Variants in CWC27 observed in about 807,000 individuals in gnomAD.
CWC27 encodes spliceosome-associated protein CWC27 homolog.
A neutral mutation model predicts 63.6 loss-of-function variants in CWC27; 47 were observed. The ratio of observed to expected loss-of-function variants is 0.74; its 90% confidence interval spans 0.58 to 0.94. The LOEUF (loss-of-function observed/expected upper bound fraction) is 0.94, where lower values mean the gene tolerates loss of function less well. Ranked by LOEUF, CWC27 falls within the 40% of genes least tolerant of loss-of-function variation. CWC27 has a pLI of 0.00. For synonymous variants in CWC27, 175 were observed against 179.8 expected (o/e 0.97, Z 0.22); for missense variants, 495 against 554.3 (o/e 0.89, Z 1.07).
Position 64,856,044 on chromosome 5 carries a change from G to A in CWC27, c.939-29399G>A, listed in dbSNP as rs552146887. Reference sequence around the variant, plus strand: ...ACCATCCATCCTCATTAGTCCAAAAGCTTACAGATCATTCTTTTTGGATGC... The same window carrying A: ...ACCATCCATCCTCATTAGTCCAAAAACTTACAGATCATTCTTTTTGGATGC... On this transcript the variant is annotated intron_variant, in intron 10 of 13. Transcript: ENST00000381070. Among the ~76,000 whole-genome samples the A allele has an allele frequency of 2.6e-5, 4 of 152,128 alleles. No homozygotes were observed. In the East Asian group the frequency reaches 7.7e-4, roughly 29 times the overall value.
intron 11 of CWC27, among the ~76,000 whole-genome samples, chr5:64,925,600 A>C (rs1015265317): frequency 6.6e-6 from 1 of 152,244 alleles, no homozygotes; most frequent in Non-Finnish European, 1.5e-5. Context: ...CCATTTATCA[A>C]GCCAAAGATA....
intron 2 of CWC27, among the ~76,000 whole-genome samples, chr5:64,778,209 G>C (rs1262489270): frequency 8.5e-6 from 1 of 118,186 alleles, no homozygotes; most frequent in African/African-American, 3.3e-5. Flanking sequence ...TGTATCTCAA[G>C]ATAAGCCATA....
At chr5:64,809,483 T>C (rs1298887159) in intron 10 of CWC27, among the ~76,000 whole-genome samples, 1 of 152,178 alleles carries the variant, frequency 6.6e-6, no homozygotes, top group African/African-American at 2.4e-5. Flanking sequence ...TTCTCCTGCC[T>C]CAGACTCCTA....
At chr5:64,929,870 T>G (rs1428400348) in intron 11 of CWC27, among the ~76,000 whole-genome samples, 1 of 150,170 alleles carries the variant, frequency 6.7e-6, no homozygotes, top group Non-Finnish European at 1.5e-5. Context: ...CTCCTAGATA[T>G]ATACCAAGAG....
chr5:64,951,565 T>C (rs1216569634), intron 11 of CWC27, among the ~76,000 whole-genome samples: 1 of 151,942 alleles, frequency 6.6e-6, no homozygotes, highest in African/African-American at 2.4e-5. Flanking sequence ...TTCATAGATA[T>C]CTGCACAGTC....
chr5:64,903,823 G>A (rs751497061), intron 11 of CWC27, among the ~76,000 whole-genome samples: 5 of 151,958 alleles, frequency 3.3e-5, no homozygotes, highest in South Asian at 2.1e-4. Flanking sequence ...TATTAATATC[G>A]TGCATTAATT....
intron 11 of CWC27, among the ~76,000 whole-genome samples, chr5:64,939,657 C>G (rs888393585): frequency 6.6e-6 from 1 of 152,218 alleles, no homozygotes; most frequent in African/African-American, 2.4e-5. Flanking sequence ...GCTGGGAGAT[C>G]GCTGCTCTCT....
At chr5:64,820,230 A>C (rs150903218) in intron 10 of CWC27, among the ~76,000 whole-genome samples, 4 of 152,340 alleles carry the variant, frequency 2.6e-5, no homozygotes, top group Non-Finnish European at 5.9e-5. Context: ...ACAAAGCTGT[A>C]AATCTGACAT....
intron 11 of CWC27, among the ~76,000 whole-genome samples, chr5:64,947,950 A>G (rs149932596): frequency 5.2e-4 from 79 of 152,198 alleles, no homozygotes; most frequent in African/African-American, 1.9e-3. Context: ...CAAAAGCTCC[A>G]ATCTTTTAAT....
At chr5:64,944,909 T>C (rs1748558155) in intron 11 of CWC27, among the ~76,000 whole-genome samples, 1 of 152,172 alleles carries the variant, frequency 6.6e-6, no homozygotes, top group Admixed American at 6.5e-5. Flanking sequence ...TTAAAGCCTC[T>C]ATGTTTGTCT....
chr5:65,003,568 C>T (rs554013132), intron 13 of CWC27, among the ~76,000 whole-genome samples: 3 of 152,316 alleles, frequency 2.0e-5, no homozygotes, highest in South Asian at 2.1e-4. Context: ...GTCCCTTAAG[C>T]ATTTCTTGCA....
intron 10 of CWC27, among the ~76,000 whole-genome samples, chr5:64,852,647 A>G (rs932053384): frequency 6.6e-6 from 1 of 151,938 alleles, no homozygotes; most frequent in Non-Finnish European, 1.5e-5. Context: ...TAATTTTTGT[A>G]TCTTTAGGAG....
chr5:64,936,048 G>A (rs918253706), intron 11 of CWC27, among the ~76,000 whole-genome samples: 1 of 152,150 alleles, frequency 6.6e-6, no homozygotes, highest in Non-Finnish European at 1.5e-5. Flanking sequence ...TCTACAAACA[G>A]GGACAATTTG....
chr5:64,862,430 T>TG (rs1284963996), intron 10 of CWC27, among the ~76,000 whole-genome samples: 3 of 152,190 alleles, frequency 2.0e-5, no homozygotes, highest in Non-Finnish European at 4.4e-5. Flanking sequence ...AAACAATGAT[T>TG]GATAGTTTGC....
rs550345514 is a variant in CWC27 at position 64,990,257 on chromosome 5, T to G, written c.1256+13019T>G. ...TTTTATTTGTTTTTTTTTTGTTTTT[T>G]TTTTTTTTGTTTTTTTTTTTTTTTT... is the stretch of plus-strand genomic sequence containing the variant. On this transcript the variant is annotated intron_variant, in intron 13 of 13. Transcript: ENST00000381070. Among the ~76,000 whole-genome samples the G allele has an allele frequency of 2.0e-4, 8 of 39,294 alleles. 1 individual carries two copies. The highest frequency in any genetic ancestry group is 9.3e-4 in the East Asian group (2 of 2,144). The allele number at this position is 39,294 out of a possible 152,430, so 25.8% of individuals were successfully genotyped here.
intron 11 of CWC27, among the ~76,000 whole-genome samples, chr5:64,939,899 C>G (rs115411495): frequency 6.6e-6 from 1 of 152,210 alleles, no homozygotes; most frequent in Non-Finnish European, 1.5e-5. Flanking sequence ...AACTTCTGGT[C>G]GGCTTTGTTT....
At chr5:64,864,927 A>G (rs1201016057) in intron 10 of CWC27, among the ~76,000 whole-genome samples, 8 of 152,262 alleles carry the variant, frequency 5.3e-5, no homozygotes, top group Admixed American at 1.3e-4. Context: ...CAATTTTGAC[A>G]TATACAATGC....
At chr5:64,911,923 AAT>A (rs1221062314) in intron 11 of CWC27, among the ~76,000 whole-genome samples, 4,179 of 152,042 alleles carry the variant, frequency 0.027, 125 homozygotes, top group African/African-American at 0.077. Flanking sequence ...AAATACAAAA[AAT>A]TAGCCAACCG....
chr5:64,952,804 A>T (rs1748736441), intron 11 of CWC27, among the ~76,000 whole-genome samples: 1 of 152,106 alleles, frequency 6.6e-6, no homozygotes, highest in Non-Finnish European at 1.5e-5. Context: ...TGCTCCTTTC[A>T]GATAGTCTCA....
Sources: allele counts gnomAD v4.1 joint callset (sites outside exome capture counted in the v4.1 genomes callset), GRCh38; gene constraint gnomAD v4.1.1; transcripts MANE v1.5; gene names NCBI Gene and HGNC (gene_info 2026-07-23, HGNC 2026-07-21).